The following DHX57 variants were observed in gnomAD, a reference collection of about 807,000 sequenced individuals.
The protein encoded by DHX57 is putative ATP-dependent RNA helicase DHX57.
In DHX57, 105 loss-of-function variants were observed where a neutral mutation model predicts 156.2. That is an observed-to-expected ratio of 0.67 (90% CI 0.57 to 0.79). The LOEUF (loss-of-function observed/expected upper bound fraction) is 0.79, where lower values mean the gene tolerates loss of function less well. Ranked by LOEUF, DHX57 falls within the 30% of genes least tolerant of loss-of-function variation. The pLI, the probability that DHX57 is intolerant of heterozygous loss-of-function variation, is 0.00. For missense variants in DHX57, 1,847 were observed against 1,661.9 expected, an observed-to-expected ratio of 1.11 and a Z score of -1.94; for synonymous variants, 704 against 595.6, an observed-to-expected ratio of 1.18 and a Z score of -2.65.
chr2:38,828,403 T>G lies in DHX57; in HGVS notation c.2576A>C (p.Glu859Ala). ...TAGCTGTTCATAAAGCATTTTGATT[T>G]CTGCTAGTCCTGGTAAAAATACAAG... ...AILVFLPGLA[E>A]IKMLYEQLQS... Residue 859 changes from glutamate (E) to alanine (A), a missense_variant, in exon 14 of 24, where the codon GAA becomes GCA. Coordinates refer to ENST00000457308, the MANE Select transcript of DHX57 (RefSeq NM_198963.3). The G allele has an allele frequency of 6.2e-7, 1 of 1,613,706 alleles. No homozygotes were observed. The highest frequency in any genetic ancestry group is 1.1e-5 in the South Asian group (1 of 91,034).
At chr2:38,857,743 G>T (rs186772903) in intron 6 of DHX57, among the ~76,000 whole-genome samples, 1 of 152,192 alleles carries the variant, frequency 6.6e-6, no homozygotes, top group Admixed American at 6.5e-5. Context: ...CATGTGAATG[G>T]GGTAAAAACA....
rs1484115497 is a variant in DHX57, at chr2:38,825,964, C to G, written c.2897G>C (p.Gly966Ala). Residue 966 changes from glycine (G) to alanine (A), a missense_variant, in exon 16 of 24, where the codon GGC (glycine) becomes GCC (alanine). Coordinates refer to ENST00000457308, the MANE Select transcript of DHX57 (RefSeq NM_198963.3). The stretch of plus-strand genomic sequence containing the variant: ...GAAGCAGACCCCAGATGCAACACGG[C>G]CTGCTCGGCCTTTCCTTTGTAGAGC... ...ANALQRKGRA[G>A]RVASGVCFHL... is the part of the protein sequence containing the mutation. The G allele has an allele frequency of 6.2e-7, 1 of 1,614,186 alleles. No homozygotes were observed. Among genetic ancestry groups the G allele is most frequent in the Non-Finnish European group, 8.5e-7 (1 of 1,180,034 alleles).
At chr2:38,815,467 A>G in intron 20 of DHX57, 54 bp downstream of exon 20, 1 of 1,608,922 alleles carries the variant, frequency 6.2e-7, no homozygotes. Context: ...CCAGGTTAAG[A>G]TTGTATTTAG....
At chr2:38,851,405 C>A (rs559816410) in intron 9 of DHX57, among the ~76,000 whole-genome samples, 2 of 152,218 alleles carry the variant, frequency 1.3e-5, no homozygotes, top group East Asian at 3.9e-4. Flanking sequence ...TTTAATCTTG[C>A]CAATATTTTT....
In DHX57 at chr2:38,868,492, A is replaced by C. The variant is rs549747292; in HGVS notation, c.-6-81T>G. 5.1e-5 allele frequency: 70 copies of C among 1,363,526 alleles called. No individual in the cohort carries two copies. The South Asian group carries it at 8.9e-4, about 17-fold the overall frequency. 84.5% of individuals were successfully genotyped at this position (1,363,526 alleles called of 1,614,324 possible). On this transcript the variant is annotated intron_variant, in intron 1 of 23. Transcript: ENST00000457308. Reference sequence around the variant, plus strand: ...CTTTGTTTGCCAAACTTATGAATATAGGCTACTTTAAAGAAACAAAGGAAA... The same window carrying C: ...CTTTGTTTGCCAAACTTATGAATATCGGCTACTTTAAAGAAACAAAGGAAA...
At chr2:38,809,484 C>T (rs113717050) in intron 21 of DHX57, among the ~76,000 whole-genome samples, 23 of 142,924 alleles carry the variant, frequency 1.6e-4, no homozygotes, top group East Asian at 1.0e-3. Flanking sequence ...TTTTTTTAGA[C>T]GGAGTCTTGC....
chr2:38,854,886 T>G (rs774543245), intron 8 of DHX57, 171 bp downstream of exon 8: 8 of 659,468 alleles, frequency 1.2e-5, no homozygotes, highest in Non-Finnish European at 1.7e-5. Context: ...ACCAAAATAT[T>G]TCTAAATATT....
chr2:38,856,393 G>A lies in DHX57; in HGVS notation c.1656C>T (p.Thr552=), dbSNP rs775915216. Residue 552 remains threonine (T), a synonymous_variant, in exon 7 of 24, where the codon ACC becomes ACT. Coordinates refer to ENST00000457308, the MANE Select transcript of DHX57 (RefSeq NM_198963.3). ...QSLPAWEERE[T]ILNLLRKHQV... is the part of the protein sequence containing the mutation. ...GGTGCTTACGCAATAAGTTAAGAAT[G>A]GTTTCTCTTTCTTCCCAAGCAGGGA... The A allele has an allele frequency of 2.5e-6, 4 of 1,613,932 alleles. No homozygotes were observed. The highest frequency in any genetic ancestry group is 2.7e-5 in the African/African-American group (2 of 75,016).
intron 9 of DHX57, among the ~76,000 whole-genome samples, chr2:38,850,916 A>C (rs1672554833): frequency 6.6e-6 from 1 of 152,136 alleles, no homozygotes; most frequent in African/African-American, 2.4e-5. Flanking sequence ...CTCTATTAAA[A>C]AAATAGAAAA....
chr2:38,848,154 T>C (rs190113606), intron 10 of DHX57, 115 bp downstream of exon 10: 16 of 1,134,630 alleles, frequency 1.4e-5, no homozygotes, highest in Admixed American at 5.6e-5. Context: ...GATTTTATGT[T>C]ATAAATGAAT....
chr2:38,871,294 T>A (rs115680932), intron 1 of DHX57, among the ~76,000 whole-genome samples: 10 of 152,300 alleles, frequency 6.6e-5, no homozygotes, highest in African/African-American at 2.2e-4. Context: ...AATATGTATG[T>A]AATATATTTG....
At chr2:38,843,637 G>C (rs539432362) in intron 11 of DHX57, among the ~76,000 whole-genome samples, 1 of 152,288 alleles carries the variant, frequency 6.6e-6, no homozygotes, top group African/African-American at 2.4e-5. Context: ...ATCAACCTAA[G>C]ACTATTCTTA....
Position 38,834,220 on chromosome 2 carries a change from A to G in DHX57, c.2542+3611T>C, listed in dbSNP as rs186255760. Among the ~76,000 whole-genome samples, 339 of 151,510 alleles carry G rather than the reference A, an allele frequency of 2.2e-3. 4 individuals are homozygous for G. The highest frequency in any genetic ancestry group is 2.2e-3 in the Non-Finnish European group (151 of 67,896). On this transcript the variant is annotated intron_variant, in intron 13 of 23. Transcript: ENST00000457308. Reference sequence around the variant, plus strand: ...GTGGCGCATGCCTGTAATCCCAGCTACTTGGGAGGCTGAGGCAGGAGAATT... The same window carrying G: ...GTGGCGCATGCCTGTAATCCCAGCTGCTTGGGAGGCTGAGGCAGGAGAATT...
At chr2:38,835,071 G>T (rs536233769) in intron 13 of DHX57, among the ~76,000 whole-genome samples, 2 of 152,258 alleles carry the variant, frequency 1.3e-5, no homozygotes, top group South Asian at 4.2e-4. Flanking sequence ...AAAATATCAA[G>T]ATAACAGAAG....
At chr2:38,856,961 C>T (rs1200211628) in intron 6 of DHX57, 1 of 153,420 alleles carries the variant, frequency 6.5e-6, no homozygotes, top group Non-Finnish European at 1.4e-5. Context: ...AGTTTTCCAA[C>T]ATCTGAATAA....
rs1234510826 is a variant in DHX57 at position 38,873,895 on chromosome 2, TC to T, written c.-7+1891del. The stretch of plus-strand genomic sequence containing the variant: ...GGCCTCTTTGAGATTTTAAAGGACA[TC>T]CGGAAGAAATTGACAGAATGAGCCA... On this transcript the variant is annotated intron_variant, in intron 1 of 23. Coordinates refer to ENST00000457308, the MANE Select transcript of DHX57 (RefSeq NM_198963.3). 1.9e-4 allele frequency among the ~76,000 whole-genome samples: 29 copies of T among 152,098 alleles called. 1 individual carries two copies. Among genetic ancestry groups the T allele is most frequent in the African/African-American group, 5.8e-4 (24 of 41,470 alleles).
chr2:38,868,974 G>C (rs991706511), intron 1 of DHX57, among the ~76,000 whole-genome samples: 1 of 152,052 alleles, frequency 6.6e-6, no homozygotes, highest in Non-Finnish European at 1.5e-5. Context: ...GCTAATATTT[G>C]TATTTTTAGT....
intron 21 of DHX57, among the ~76,000 whole-genome samples, chr2:38,808,232 C>T (rs146440966): frequency 6.7e-4 from 102 of 151,826 alleles, no homozygotes; most frequent in African/African-American, 2.2e-3. Context: ...GGATTACAGG[C>T]GTGAGCCACT....
chr2:38,815,496 T>C (rs1670494160), intron 20 of DHX57, 25 bp downstream of exon 20: 5 of 1,613,732 alleles, frequency 3.1e-6, no homozygotes, highest in Non-Finnish European at 4.2e-6. Context: ...TAAAGAGAAA[T>C]GAGAACCAAC....
Sources: allele counts gnomAD v4.1 joint callset (sites outside exome capture counted in the v4.1 genomes callset), GRCh38; gene constraint gnomAD v4.1.1; transcripts MANE v1.5; gene names NCBI Gene and HGNC (gene_info 2026-07-23, HGNC 2026-07-21).